The following ARPC2 variants were observed in gnomAD, a reference collection of about 807,000 sequenced individuals.
The protein encoded by ARPC2 is actin-related protein 2/3 complex subunit 2.
In ARPC2, 4 loss-of-function variants were observed where a neutral mutation model predicts 38.6. The observed-to-expected ratio is 0.10, with a 90% CI of 0.05 to 0.24. The LOEUF (loss-of-function observed/expected upper bound fraction) is 0.24. Among genes scored for constraint, ARPC2 ranks in the 10% least tolerant of loss-of-function variants. The probability of loss-of-function intolerance (pLI) is 1.00; values close to 1 mark genes in which losing one functional copy is unlikely to be tolerated. For synonymous variants in ARPC2, 125 were observed against 140.8 expected, an observed-to-expected ratio of 0.89 and a Z score of 0.79; for missense variants, 229 against 387.3, an observed-to-expected ratio of 0.59 and a Z score of 3.43.
chr2:218,239,213 AG>A (rs1689850768), intron 6 of ARPC2, 177 bp from the exon 7 acceptor site: 4 of 602,390 alleles, frequency 6.6e-6, no homozygotes, highest in Non-Finnish European at 1.2e-5. Context: ...TGCCTCTCTT[AG>A]GGCATTCATT....
intron 7 of ARPC2, among the ~76,000 whole-genome samples, chr2:218,242,479 C>A (rs140281724): frequency 1.3e-5 from 2 of 152,256 alleles, no homozygotes; most frequent in East Asian, 3.9e-4. Flanking sequence ...ATTTTGAGGG[C>A]CCTTTCTGCC....
At chr2:218,243,341 A>G (rs948396880) in intron 7 of ARPC2, among the ~76,000 whole-genome samples, 1 of 152,242 alleles carries the variant, frequency 6.6e-6, no homozygotes, top group Non-Finnish European at 1.5e-5. Context: ...CATCCTAGCC[A>G]GAAGGAGAGT....
intron 2 of ARPC2, among the ~76,000 whole-genome samples, chr2:218,224,991 G>A (rs180964191): frequency 1.3e-5 from 2 of 152,272 alleles, no homozygotes; most frequent in East Asian, 1.9e-4. Flanking sequence ...GAAAACATGC[G>A]CATCTTGTTT....
intron 7 of ARPC2, among the ~76,000 whole-genome samples, chr2:218,244,192 A>G (rs1689978472): frequency 6.6e-6 from 1 of 152,206 alleles, no homozygotes; most frequent in South Asian, 2.1e-4. Context: ...AAAGGGGACT[A>G]ATCTAACCCA....
intron 2 of ARPC2, among the ~76,000 whole-genome samples, chr2:218,220,704 G>A (rs1456594529): frequency 6.7e-6 from 1 of 148,338 alleles, no homozygotes; most frequent in Non-Finnish European, 1.5e-5. Context: ...TTTGGGTAAA[G>A]CAGTGTTGTC....
At chr2:218,232,667 T>C (rs866903545) in intron 4 of ARPC2, among the ~76,000 whole-genome samples, 4 of 151,348 alleles carry the variant, frequency 2.6e-5, no homozygotes, top group African/African-American at 2.4e-5. Context: ...CCTCCCGGGT[T>C]CACGCCATTC....
chr2:218,231,793 A>G (rs1038074121), intron 4 of ARPC2, among the ~76,000 whole-genome samples: 1 of 152,222 alleles, frequency 6.6e-6, no homozygotes, highest in African/African-American at 2.4e-5. Flanking sequence ...GGTTAAATAA[A>G]TATGTGGAAT....
intron 2 of ARPC2, among the ~76,000 whole-genome samples, chr2:218,222,943 T>G (rs1689417711): frequency 2.0e-5 from 3 of 152,162 alleles, no homozygotes; most frequent in Admixed American, 1.3e-4. Flanking sequence ...AGAACATGAT[T>G]GTATTTGTAT....
At chr2:218,225,870 TA>T in intron 2 of ARPC2, 49 bp from the exon 3 acceptor site, 1 of 1,593,750 alleles carries the variant, frequency 6.3e-7, no homozygotes, top group South Asian at 1.1e-5. Flanking sequence ...CCTTTGAAGG[TA>T]AGCAGCAATA....
rs887589247 is a variant in ARPC2 at position 218,237,772 on chromosome 2, G to A, written c.269-892G>A. Among the ~76,000 whole-genome samples, 3 of 149,654 alleles carry A rather than the reference G, an allele frequency of 2.0e-5. No homozygotes were observed. In the East Asian group the frequency reaches 6.0e-4, roughly 30 times the overall value. Reference sequence around the variant, plus strand: ...AGTAGAGACAGGGTTTTGCCATGTTGGCCAGACTGCTCTCAAAACTCCTGA... The same window carrying A: ...AGTAGAGACAGGGTTTTGCCATGTTAGCCAGACTGCTCTCAAAACTCCTGA... On this transcript the variant is annotated intron_variant, in intron 5 of 10. Coordinates refer to ENST00000315717, the MANE Select transcript of ARPC2 (RefSeq NM_152862.3).
intron 5 of ARPC2, chr2:218,234,744 C>T: frequency 2.1e-6 from 1 of 472,130 alleles, no homozygotes; most frequent in East Asian, 6.1e-5. Flanking sequence ...CCACCCTCGG[C>T]CCTTAGTAAT....
At chr2:218,217,322 C>T (rs1689269779) in intron 1 of ARPC2, 68 bp downstream of exon 1, 3 of 691,082 alleles carry the variant, frequency 4.3e-6, no homozygotes, top group African/African-American at 1.8e-5. Context: ...TTACCCTTCC[C>T]TCCACCCCGG....
chr2:218,231,941 A>G (rs1416597286), intron 4 of ARPC2, among the ~76,000 whole-genome samples: 2 of 151,826 alleles, frequency 1.3e-5, no homozygotes, highest in African/African-American at 2.4e-5. Context: ...CTGTCTTTGT[A>G]TATAAATAAA....
intron 5 of ARPC2, chr2:218,235,022 C>G (rs1216534387): frequency 2.8e-6 from 1 of 351,978 alleles, no homozygotes; most frequent in Non-Finnish European, 5.6e-6. Flanking sequence ...AGGCATTTAG[C>G]AGGACCCCAA....
rs768585570 is a variant in ARPC2, at chr2:218,230,287, C to CTTTTTTTTTTTTTTTTTTTT, written c.222+1442_222+1461dup. ...GTGCCCAGCCTTTTCTTTTTTTTTT[C>CTTTTTTTTTTTTTTTTTTTT]TTTTTTTTTTTTTTTTTTTTTTTTG... On this transcript the variant is annotated intron_variant, in intron 4 of 10. Coordinates refer to ENST00000315717, the MANE Select transcript of ARPC2 (RefSeq NM_152862.3). Among the ~76,000 whole-genome samples, 37 of 73,012 alleles carry CTTTTTTTTTTTTTTTTTTTT rather than the reference C, an allele frequency of 5.1e-4. 1 individual carries two copies. Among genetic ancestry groups the CTTTTTTTTTTTTTTTTTTTT allele is most frequent in the South Asian group, 6.2e-4 (1 of 1,602 alleles). The allele number at this position is 73,012 out of a possible 152,430, so 47.9% of individuals were successfully genotyped here.
chr2:218,224,739 C>T (rs539744928), intron 2 of ARPC2, among the ~76,000 whole-genome samples: 2 of 152,136 alleles, frequency 1.3e-5, no homozygotes, highest in Non-Finnish European at 2.9e-5. Flanking sequence ...TTGTATGATT[C>T]GTATAGGTTG....
chr2:218,231,126 A>G (rs1484780568), intron 4 of ARPC2, among the ~76,000 whole-genome samples: 1 of 152,162 alleles, frequency 6.6e-6, no homozygotes, highest in Non-Finnish European at 1.5e-5. Flanking sequence ...CAGGAAGGTT[A>G]TTACTTTGTC....
chr2:218,251,584 G>T (rs1257222958), intron 10 of ARPC2, among the ~76,000 whole-genome samples: 1 of 152,104 alleles, frequency 6.6e-6, no homozygotes, highest in Non-Finnish European at 1.5e-5. Context: ...CCCCCAAGTA[G>T]CTGGGACCAC....
chr2:218,252,420 C>A (rs568697047), intron 10 of ARPC2, among the ~76,000 whole-genome samples: 1 of 152,150 alleles, frequency 6.6e-6, no homozygotes, highest in Non-Finnish European at 1.5e-5. Flanking sequence ...GTGCTTGCTG[C>A]CTCTCCAGAA....
Sources: gnomAD v4.1 joint callset for allele counts (sites outside exome capture counted in the v4.1 genomes callset) on GRCh38, gnomAD v4.1.1 for gene constraint, MANE v1.5 for transcripts, NCBI Gene and HGNC (gene_info 2026-07-23, HGNC 2026-07-21) for gene names.